The following ROR1 variants were observed in gnomAD, a reference collection of about 807,000 sequenced individuals.
ROR1 encodes the protein inactive tyrosine-protein kinase transmembrane receptor ROR1.
ROR1 carries 19 observed loss-of-function variants against 78.8 expected under a neutral mutation model. The observed-to-expected ratio is 0.24, with a 90% CI of 0.17 to 0.35. The LOEUF is 0.35. Among genes scored for constraint, ROR1 ranks in the 10% least tolerant of loss-of-function variants. The pLI is 1.00. For missense variants in ROR1, 917 were observed against 1,177.8 expected (o/e 0.78, Z 3.24); for synonymous variants, 386 against 433.6 (o/e 0.89, Z 1.36).
At chr1:63,775,448 G>T (rs528130012) in intron 1 of ROR1, 2 of 152,134 alleles carry the variant, frequency 1.3e-5, no homozygotes, top group African/African-American at 4.8e-5. Context: ...AGTCTCCGGG[G>T]TCTCGGGCCT....
chr1:63,843,422 G>T lies in ROR1; in HGVS notation c.91+68914G>T, dbSNP rs4915931. ...CCTCCTCCTTGCTCTCCTTGGTCTC[G>T]TAGGTTGTGTCACAGAGGGTGTAGT... On this transcript the variant is annotated intron_variant, in intron 1 of 8. Coordinates refer to ENST00000371079, the MANE Select transcript of ROR1 (RefSeq NM_005012.4). 3 of 741,370 alleles carry T rather than the reference G, an allele frequency of 4.0e-6. No homozygotes were observed. The Admixed American group carries it at 5.4e-5, about 13-fold the overall frequency. The allele number at this position is 741,370 out of a possible 1,614,324, so 45.9% of individuals were successfully genotyped here. A position where few individuals can be genotyped will look rare whatever the true frequency, so the allele number is the denominator to read the frequency against.
At chr1:64,159,938 T>C (rs1281748023) in intron 8 of ROR1, among the ~76,000 whole-genome samples, 1 of 152,192 alleles carries the variant, frequency 6.6e-6, no homozygotes, top group Admixed American at 6.5e-5. Flanking sequence ...GCCCCTGCAC[T>C]GCATCTTGGA....
At chr1:64,176,921 A>C (rs1650398979) in intron 8 of ROR1, among the ~76,000 whole-genome samples, 1 of 152,242 alleles carries the variant, frequency 6.6e-6, no homozygotes, top group Admixed American at 6.5e-5. Context: ...TATTTAACTA[A>C]AGTGATGCCA....
chr1:64,075,590 A>C (rs2100623513), intron 4 of ROR1, among the ~76,000 whole-genome samples: 1 of 152,290 alleles, frequency 6.6e-6, no homozygotes, highest in South Asian at 2.1e-4. Flanking sequence ...TGATTGCAAT[A>C]ACCGTGTATA....
chr1:64,119,899 C>T (rs1393454079), intron 4 of ROR1, among the ~76,000 whole-genome samples: 2 of 152,160 alleles, frequency 1.3e-5, no homozygotes, highest in African/African-American at 4.8e-5. Context: ...AGCCCTTGCT[C>T]TTGGATGCTG....
intron 1 of ROR1, among the ~76,000 whole-genome samples, chr1:63,816,457 C>T (rs1189199704): frequency 2.0e-5 from 3 of 152,180 alleles, no homozygotes; most frequent in Non-Finnish European, 4.4e-5. Context: ...TTGCCTGCTG[C>T]CATCCATGTA....
intron 2 of ROR1, among the ~76,000 whole-genome samples, chr1:64,014,717 ATATATATATACACATACGCACAC>A (rs1467935226): frequency 2.7e-4 from 10 of 36,990 alleles, no homozygotes; most frequent in Non-Finnish European, 4.1e-4. Flanking sequence ...GACAGACTAT[ATATATATATACACATACGCACAC>A]TATATATATA....
intron 1 of ROR1, among the ~76,000 whole-genome samples, chr1:63,927,678 C>T (rs186967605): frequency 6.6e-6 from 1 of 152,164 alleles, no homozygotes; most frequent in South Asian, 2.1e-4. Context: ...TGTTCATATT[C>T]ACACCACTAG....
intron 1 of ROR1, among the ~76,000 whole-genome samples, chr1:63,913,922 C>CT (rs1024868512): frequency 2.6e-5 from 4 of 152,188 alleles, no homozygotes; most frequent in Non-Finnish European, 2.9e-5. Flanking sequence ...ATGCCAGCCT[C>CT]TCCCGGGGAG....
At chr1:63,956,212 C>A (rs1645980991) in intron 1 of ROR1, among the ~76,000 whole-genome samples, 1 of 152,164 alleles carries the variant, frequency 6.6e-6, no homozygotes, top group East Asian at 1.9e-4. Flanking sequence ...AGTCTGAGTC[C>A]CACAGTGAGT....
At chr1:63,793,725 C>T (rs571070049) in intron 1 of ROR1, among the ~76,000 whole-genome samples, 12 of 152,286 alleles carry the variant, frequency 7.9e-5, no homozygotes, top group South Asian at 6.2e-4. Context: ...GTTGCTTCAG[C>T]GGTCACTTGG....
At chr1:64,077,642 C>G (rs1443355981) in intron 4 of ROR1, among the ~76,000 whole-genome samples, 1 of 152,248 alleles carries the variant, frequency 6.6e-6, no homozygotes, top group Non-Finnish European at 1.5e-5. Context: ...AGCACCAAGC[C>G]CAGCCAAGGG....
chr1:63,913,749 T>C (rs1374477079), intron 1 of ROR1, among the ~76,000 whole-genome samples: 1 of 152,210 alleles, frequency 6.6e-6, no homozygotes, highest in Non-Finnish European at 1.5e-5. Flanking sequence ...ATAAACAAGC[T>C]GTCCAGGCTG....
At chr1:64,088,971 GAC>G (rs1172812250) in intron 4 of ROR1, among the ~76,000 whole-genome samples, 1 of 151,886 alleles carries the variant, frequency 6.6e-6, no homozygotes, top group Non-Finnish European at 1.5e-5. Flanking sequence ...GTTTGTTCTG[GAC>G]ACAGTGATTT....
chr1:63,882,111 A>T (rs1032356223), intron 1 of ROR1, among the ~76,000 whole-genome samples: 3 of 152,252 alleles, frequency 2.0e-5, no homozygotes, highest in East Asian at 1.9e-4. Context: ...GAGACCTGAA[A>T]ATTAGTAGGA....
At chr1:63,833,918 C>A (rs931713044) in intron 1 of ROR1, among the ~76,000 whole-genome samples, 1 of 151,158 alleles carries the variant, frequency 6.6e-6, no homozygotes, top group African/African-American at 2.4e-5. Flanking sequence ...TGGCTTCTGG[C>A]ATGCTTAGGA....
At chr1:64,165,736 G>A (rs1160499358) in intron 8 of ROR1, among the ~76,000 whole-genome samples, 4 of 123,260 alleles carry the variant, frequency 3.2e-5, no homozygotes, top group South Asian at 2.5e-4. Flanking sequence ...ATGGAATCTC[G>A]CTTTGTCACC....
In ROR1 at chr1:64,141,021, C is replaced by G. The variant is rs149241804; in HGVS notation, c.928+595C>G. Among the ~76,000 whole-genome samples the G allele has an allele frequency of 2.2e-3, 332 of 152,184 alleles. 1 individual carries two copies. Among genetic ancestry groups the G allele is most frequent in the African/African-American group, 7.6e-3 (315 of 41,496 alleles). On this transcript the variant is annotated intron_variant, in intron 6 of 8. Transcript: ENST00000371079. ...TAGACAGAATTCAGATTAGCGGTTA[C>G]CAGGGGCCAGGCTAGGGGTAGTGGA...
intron 1 of ROR1, among the ~76,000 whole-genome samples, chr1:63,886,492 C>T (rs1466321597): frequency 1.3e-5 from 2 of 152,116 alleles, no homozygotes; most frequent in Admixed American, 1.3e-4. Context: ...AGGTCTGTGG[C>T]ACCCGGTAAT....
Sources: gnomAD v4.1 joint callset for allele counts (sites outside exome capture counted in the v4.1 genomes callset) on GRCh38, gnomAD v4.1.1 for gene constraint, MANE v1.5 for transcripts, NCBI Gene and HGNC (gene_info 2026-07-23, HGNC 2026-07-21) for gene names.